Variants in DYNC2LI1 observed in about 807,000 individuals in gnomAD.
The protein encoded by DYNC2LI1 is dynein cytoplasmic 2 light intermediate chain 1.
A neutral mutation model predicts 51.9 loss-of-function variants in DYNC2LI1; 45 were observed. The observed-to-expected ratio is 0.87, with a 90% confidence interval of 0.68 to 1.11. The LOEUF is 1.11. DYNC2LI1 is among the 50% of genes most tolerant of loss of function. DYNC2LI1 has a pLI of 0.00. For missense variants in DYNC2LI1, 490 were observed against 417.4 expected (o/e 1.17, Z -1.51); for synonymous variants, 130 against 137.8 (o/e 0.94, Z 0.40).
chr2:43,784,504 A>G (rs1673430948), intron 3 of DYNC2LI1, among the ~76,000 whole-genome samples: 1 of 151,620 alleles, frequency 6.6e-6, no homozygotes, highest in Non-Finnish European at 1.5e-5. Context: ...CAATGGCGCC[A>G]TCTCGGCTCA....
At chr2:43,812,021 C>T (rs114125808), downstream of DYNC2LI1, among the ~76,000 whole-genome samples, 2 of 152,146 alleles carry the variant, frequency 1.3e-5, no homozygotes, top group East Asian at 3.9e-4. Flanking sequence ...GTACCCTGTT[C>T]TTTGTAAACA....
the DYNC2LI1 span, among the ~76,000 whole-genome samples, chr2:43,821,638 C>T: frequency 3.0e-4 from 46 of 152,272 alleles, no homozygotes; most frequent in Admixed American, 7.8e-4. Context: ...TGCCTATTGC[C>T]GCACTAACTG....
rs1295809800 is a variant in DYNC2LI1 at position 43,783,654 on chromosome 2, C to A, written c.161+100C>A. 3 of 674,522 alleles carry A rather than the reference C, an allele frequency of 4.4e-6. No individual in the cohort carries two copies. The East Asian group carries it at 9.2e-5, about 21-fold the overall frequency. The allele number at this position is 674,522 out of a possible 1,614,324, so 41.8% of individuals were successfully genotyped here. A position where few individuals can be genotyped will look rare whatever the true frequency, so the allele number is the denominator to read the frequency against. On this transcript the variant is annotated intron_variant, in intron 3 of 12. Transcript: ENST00000260605. ...ATAAGGAAGGGGAACGATTTTGAGA[C>A]CCAAACAAAATATTTAATTCTTAGC...
At chr2:43,784,153 A>G (rs1179815854) in intron 3 of DYNC2LI1, among the ~76,000 whole-genome samples, 1 of 152,224 alleles carries the variant, frequency 6.6e-6, no homozygotes, top group Non-Finnish European at 1.5e-5. Context: ...AAGAGATGGA[A>G]TTTGGTGTTA....
the DYNC2LI1 span, chr2:43,824,448 A>G: frequency 6.2e-7 from 1 of 1,612,880 alleles, no homozygotes; most frequent in Admixed American, 1.7e-5. Flanking sequence ...AGTTTTTCCC[A>G]AAAGATGTCA....
chr2:43,774,096 C>G lies in DYNC2LI1; in HGVS notation c.-43C>G, dbSNP rs778481298. On this transcript the variant is annotated 5_prime_UTR_variant, in exon 1 of 13. Coordinates refer to ENST00000260605, the MANE Select transcript of DYNC2LI1 (RefSeq NM_016008.4). ...TCGCCGCCTGATTCTAGGCTGGTCA[C>G]TACTCCGAGCCTGTGACGTTTGCGG... 17 of 1,612,868 alleles carry G rather than the reference C, an allele frequency of 1.1e-5. No individual in the cohort carries two copies. Among genetic ancestry groups the G allele is most frequent in the Admixed American group, 1.7e-5 (1 of 59,986 alleles).
downstream of DYNC2LI1, among the ~76,000 whole-genome samples, chr2:43,814,951 G>C (rs1572740644): frequency 6.6e-6 from 1 of 152,296 alleles, no homozygotes; most frequent in East Asian, 1.9e-4. Context: ...TTTAGGCACA[G>C]CTTGGTGGCC....
chr2:43,789,641 T>C lies in DYNC2LI1; in HGVS notation c.240T>C (p.Asp80=), dbSNP rs772219395. ...RRAKGHNTPK[D]IAHFWELGGG... ...AAATTTTTGTTTTTCAGCCAAAAGA[T>C]ATCGCTCACTTTTGGGAACTCGGTG... Residue 80 remains aspartate, a synonymous_variant, in exon 5 of 13, where the codon GAT becomes GAC. Transcript: ENST00000260605. 2.5e-5 allele frequency: 41 copies of C among 1,613,606 alleles called. No homozygotes were observed. Among genetic ancestry groups the C allele is most frequent in the Non-Finnish European group, 3.3e-5 (39 of 1,179,874 alleles).
At chr2:43,774,374 AC>A (rs1482481650) in intron 1 of DYNC2LI1, among the ~76,000 whole-genome samples, 2 of 152,098 alleles carry the variant, frequency 1.3e-5, no homozygotes, top group African/African-American at 4.8e-5. Flanking sequence ...AAGATCAGCA[AC>A]TCCACCCATT....
intron 1 of DYNC2LI1, 100 bp downstream of exon 1, chr2:43,774,246 C>G: frequency 6.6e-7 from 1 of 1,504,968 alleles, no homozygotes; most frequent in Non-Finnish European, 9.1e-7. Flanking sequence ...GTGGGGGTGG[C>G]TACTTGCCAC....
At chr2:43,778,467 C>T (rs533688544) in intron 2 of DYNC2LI1, among the ~76,000 whole-genome samples, 33 of 152,094 alleles carry the variant, frequency 2.2e-4, no homozygotes, top group Non-Finnish European at 3.8e-4. Flanking sequence ...CATTATTTCA[C>T]GAGTTTACTA....
chr2:43,775,854 A>ATTTTTTTTTTTTTTTTTTTTT lies in DYNC2LI1; in HGVS notation c.9-918_9-898dup, dbSNP rs57868887. 6 of 49,276 alleles carry ATTTTTTTTTTTTTTTTTTTTT rather than the reference A, an allele frequency of 1.2e-4. 1 individual carries two copies. The highest frequency in any genetic ancestry group is 5.4e-4 in the African/African-American group (6 of 11,180). 3.1% of individuals were successfully genotyped at this position (49,276 alleles called of 1,614,324 possible). ...AGACACCCGCCACCACACCTGGCCA[A>ATTTTTTTTTTTTTTTTTTTTT]TTTTTTTTTTTTTTTTTTTTTTTTT... On this transcript the variant is annotated intron_variant, in intron 1 of 12. Transcript: ENST00000260605.
chr2:43,820,132 C>T, the DYNC2LI1 span: 1 of 1,602,178 alleles, frequency 6.2e-7, no homozygotes. Flanking sequence ...AGTTTCCTCT[C>T]CAAGGGCTAT....
At chr2:43,801,611 A>T (rs1316593688) in intron 9 of DYNC2LI1, 28 bp from the exon 10 acceptor site, 2 of 1,573,006 alleles carry the variant, frequency 1.3e-6, no homozygotes. Flanking sequence ...TGCTAAACTA[A>T]TTTAGAATCT....
chr2:43,799,635 C>T (rs1268126647), intron 8 of DYNC2LI1, among the ~76,000 whole-genome samples: 1 of 152,126 alleles, frequency 6.6e-6, no homozygotes, highest in Non-Finnish European at 1.5e-5. Flanking sequence ...TTTGTTTAAG[C>T]AGAAGGCCTA....
At chr2:43,798,084 A>T (rs1454817889) in intron 8 of DYNC2LI1, among the ~76,000 whole-genome samples, 2 of 151,638 alleles carry the variant, frequency 1.3e-5, no homozygotes, top group African/African-American at 4.8e-5. Flanking sequence ...CCAAAATCAC[A>T]CCACTGCACT....
At chr2:43,794,823 G>T in intron 6 of DYNC2LI1, 180 bp downstream of exon 6, 1 of 1,457,422 alleles carries the variant, frequency 6.9e-7, no homozygotes, top group Non-Finnish European at 9.0e-7. Flanking sequence ...AAACAAGGAA[G>T]AAGATTCCTT....
intron 3 of DYNC2LI1, among the ~76,000 whole-genome samples, chr2:43,785,677 T>G (rs1673491843): frequency 6.6e-6 from 1 of 151,842 alleles, no homozygotes; most frequent in African/African-American, 2.4e-5. Flanking sequence ...GAGGTTGCAG[T>G]GACCCAAGAT....
the DYNC2LI1 span, among the ~76,000 whole-genome samples, chr2:43,816,731 G>A: frequency 6.6e-6 from 1 of 151,880 alleles, no homozygotes; most frequent in Non-Finnish European, 1.5e-5. Flanking sequence ...GTTGTTAAAT[G>A]GGAAAAAAAG....
Sources: gnomAD v4.1 joint callset for allele counts (sites outside exome capture counted in the v4.1 genomes callset) on GRCh38, gnomAD v4.1.1 for gene constraint, MANE v1.5 for transcripts, NCBI Gene and HGNC (gene_info 2026-07-23, HGNC 2026-07-21) for gene names.